The following CSK variants were observed in gnomAD, a reference collection of about 807,000 sequenced individuals.
CSK encodes the protein tyrosine-protein kinase CSK.
Under a neutral mutation model 62.3 loss-of-function variants are expected in CSK, and 7 were observed. The observed-to-expected ratio is 0.11, with a 90% confidence interval of 0.06 to 0.21. The LOEUF is 0.21. Ranked by LOEUF, CSK falls within the 10% of genes least tolerant of loss-of-function variation. The probability of loss-of-function intolerance (pLI) is 1.00; values close to 1 mark genes in which losing one functional copy is unlikely to be tolerated. For missense variants in CSK, 294 were observed against 613.5 expected (o/e 0.48, Z 5.50); for synonymous variants, 237 against 246.0 (o/e 0.96, Z 0.34).
At chr15:74,802,224 G>C (rs764024452) in intron 12 of CSK, 107 bp from the exon 13 acceptor site, 32 of 1,407,016 alleles carry the variant, frequency 2.3e-5, no homozygotes, top group Non-Finnish European at 2.9e-5. Flanking sequence ...GCCACTCTCC[G>C]GGCCTGGGTC....
At chr15:74,785,851 A>G (rs750180857) in intron 1 of CSK, among the ~76,000 whole-genome samples, 3 of 151,704 alleles carry the variant, frequency 2.0e-5, no homozygotes. Flanking sequence ...CCTTCTCCCC[A>G]TTACCATATG....
Position 74,793,838 on chromosome 15 carries a change from G to A in CSK, c.-65-4395G>A, listed in dbSNP as rs535249706. Among the ~76,000 whole-genome samples, 82 of 152,142 alleles carry A rather than the reference G, an allele frequency of 5.4e-4. 1 individual carries two copies. The highest frequency in any genetic ancestry group is 9.0e-4 in the Non-Finnish European group (61 of 67,984). On this transcript the variant is annotated intron_variant, in intron 1 of 12. Transcript: ENST00000220003. ...GGTGACTAACAGCGCAGCAGCCTCC[G>A]CGCCCCCCTGTGGTGGCAGGGAGTT...
At chr15:74,794,053 G>A (rs2063665653) in intron 1 of CSK, among the ~76,000 whole-genome samples, 1 of 152,100 alleles carries the variant, frequency 6.6e-6, no homozygotes, top group Non-Finnish European at 1.5e-5. Context: ...GTGAAATGGG[G>A]GTAAGAGGGT....
rs1352830580 is a variant in CSK at position 74,801,544 on chromosome 15, G to T, written c.836G>T (p.Arg279Leu). ...MAKGSLVDYL[R>L]SRGRSVLGGD... ...CAGGGGAGCCTTGTGGACTACCTGC[G>T]GTCTAGGGGTCGGTCAGTGCTGGGC... The change falls in exon 10 of 13, where the codon CGG becomes CTG. Residue 279 changes from arginine (R) to leucine (L), a missense_variant. Physicochemically the swap from Arg to Leu is moderately radical, Grantham distance 102 (BLOSUM62 -2). Transcript: ENST00000220003. 1 of 1,613,676 alleles carries T rather than the reference G, an allele frequency of 6.2e-7. No homozygotes were observed. Among genetic ancestry groups the T allele is most frequent in the Non-Finnish European group, 8.5e-7 (1 of 1,179,768 alleles).
intron 6 of CSK, 82 bp downstream of exon 6, chr15:74,800,587 C>A: frequency 6.5e-7 from 1 of 1,549,530 alleles, no homozygotes; most frequent in Non-Finnish European, 8.7e-7. Flanking sequence ...CCAGGAACCT[C>A]CAGAGAACCC....
intron 1 of CSK, among the ~76,000 whole-genome samples, chr15:74,793,994 G>T (rs2063664703): frequency 6.6e-6 from 1 of 152,160 alleles, no homozygotes; most frequent in African/African-American, 2.4e-5. Flanking sequence ...AACTAGCTAT[G>T]TGACTTCAGG....
rs748962616 is a variant in CSK at position 74,802,316 on chromosome 15, TC to T, written c.1171-10del. On this transcript the variant is annotated splice_polypyrimidine_tract_variant and intron_variant, in intron 12 of 12. Coordinates refer to ENST00000220003, the MANE Select transcript of CSK (RefSeq NM_004383.3). ...GCCAGGGCCTGGACTGACTCCTGCCTCCCCCTGGCCACAGCCCCTGAAGGAC... is the reference window on the plus strand; with the variant it reads ...GCCAGGGCCTGGACTGACTCCTGCCTCCCCTGGCCACAGCCCCTGAAGGAC... 5 of 1,565,954 alleles carry T rather than the reference TC, an allele frequency of 3.2e-6. No homozygotes were observed. The East Asian group carries it at 6.8e-5, about 21-fold the overall frequency.
intron 1 of CSK, among the ~76,000 whole-genome samples, chr15:74,795,794 A>G (rs1354214801): frequency 6.6e-6 from 1 of 152,228 alleles, no homozygotes; most frequent in East Asian, 1.9e-4. Flanking sequence ...TGACTCCTCA[A>G]AAACTTAACT....
At chr15:74,795,600 G>T (rs892906262) in intron 1 of CSK, among the ~76,000 whole-genome samples, 25 of 152,200 alleles carry the variant, frequency 1.6e-4, no homozygotes, top group African/African-American at 5.3e-4. Flanking sequence ...GGGGCTCTGG[G>T]CTGGGATTAC....
intron 1 of CSK, chr15:74,790,937 C>T (rs1398809926): frequency 2.0e-5 from 3 of 152,144 alleles, no homozygotes; most frequent in Non-Finnish European, 4.4e-5. Flanking sequence ...AAGGAATTCT[C>T]CAGAGAGAGG....
chr15:74,783,760 CTGTG>C (rs2063473973), intron 1 of CSK, among the ~76,000 whole-genome samples: 1 of 152,222 alleles, frequency 6.6e-6, no homozygotes, highest in South Asian at 2.1e-4. Context: ...GTATGGCCAT[CTGTG>C]TGGTGTGGCA....
At chr15:74,792,522 T>C (rs1376977748) in intron 1 of CSK, among the ~76,000 whole-genome samples, 2 of 152,224 alleles carry the variant, frequency 1.3e-5, no homozygotes, top group Admixed American at 6.5e-5. Context: ...ACGATGTTCC[T>C]GCACTGTTCC....
rs1353589721 is a variant in CSK, at chr15:74,802,203, G to A, written c.1170+120G>A. On this transcript the variant is annotated intron_variant, in intron 12 of 12. Transcript: ENST00000220003. ...CCTAGAAGCCTCAGGCCTGCCCTGG[G>A]GAGCTCACAGGCCACTCTCCGGGCC... is the stretch of plus-strand genomic sequence containing the variant. 5.0e-6 allele frequency: 7 copies of A among 1,391,678 alleles called. No individual in the cohort carries two copies. In the East Asian group the frequency reaches 1.4e-4, roughly 27 times the overall value. The allele number at this position is 1,391,678 out of a possible 1,614,324, so 86.2% of individuals were successfully genotyped here. A position where few individuals can be genotyped will look rare whatever the true frequency, so the allele number is the denominator to read the frequency against.
At chr15:74,790,236 G>C (rs569044666) in intron 1 of CSK, among the ~76,000 whole-genome samples, 33 of 152,344 alleles carry the variant, frequency 2.2e-4, no homozygotes, top group African/African-American at 7.5e-4. Context: ...GGTATTTTTA[G>C]CTGGGCGTAA....
chr15:74,794,887 G>A (rs1361078242), intron 1 of CSK, among the ~76,000 whole-genome samples: 1 of 152,050 alleles, frequency 6.6e-6, no homozygotes, highest in Admixed American at 6.6e-5. Context: ...GTCAAACCCT[G>A]GTTCCTCACA....
chr15:74,792,210 G>A (rs1199098127), intron 1 of CSK, among the ~76,000 whole-genome samples: 23 of 152,140 alleles, frequency 1.5e-4, no homozygotes, highest in Admixed American at 1.4e-3. Flanking sequence ...ACTACAGACA[G>A]CACTGCAGGG....
chr15:74,790,023 A>G (rs2063593703), intron 1 of CSK, among the ~76,000 whole-genome samples: 1 of 152,186 alleles, frequency 6.6e-6, no homozygotes, highest in South Asian at 2.1e-4. Flanking sequence ...CCTACCAAGC[A>G]TGGCTCTGGG....
At position 74,800,857 on chromosome 15, in the gene CSK, C is replaced by A; in HGVS notation, c.657C>A (p.Val219=). The stretch of plus-strand genomic sequence containing the variant: ...TGGGCGATTACCGAGGGAACAAAGT[C>A]GCCGTCAAGTGCATTAAGAACGACG... ...VMLGDYRGNK[V]AVKCIKNDAT... Residue 219 remains valine (V), a synonymous_variant, in exon 8 of 13, where the codon GTC becomes GTA. Transcript: ENST00000220003. 6.2e-7 allele frequency: 1 copy of A among 1,613,306 alleles called. No individual in the cohort carries two copies. Among genetic ancestry groups the A allele is most frequent in the South Asian group, 1.1e-5 (1 of 91,038 alleles).
intron 1 of CSK, among the ~76,000 whole-genome samples, chr15:74,789,188 A>G (rs1445006574): frequency 6.6e-6 from 1 of 152,232 alleles, no homozygotes; most frequent in Non-Finnish European, 1.5e-5. Context: ...CCTTCTCCTT[A>G]GGTCAGGGTG....
Sources: gnomAD v4.1 joint callset for allele counts (sites outside exome capture counted in the v4.1 genomes callset) on GRCh38, gnomAD v4.1.1 for gene constraint, MANE v1.5 for transcripts, NCBI Gene and HGNC (gene_info 2026-07-23, HGNC 2026-07-21) for gene names.